SPICE1: variants seen among roughly 807,000 people sequenced by gnomAD.
The protein encoded by SPICE1 is spindle and centriole associated protein 1, also known as spindle and centriole-associated protein 1.
Under a neutral mutation model 102.7 loss-of-function variants are expected in SPICE1, and 75 were observed. The ratio of observed to expected loss-of-function variants is 0.73; its 90% CI spans 0.61 to 0.88. The LOEUF is 0.88. Among genes scored for constraint, SPICE1 ranks in the 40% least tolerant of loss-of-function variants. The probability of loss-of-function intolerance (pLI) is 0.00; values close to 1 mark genes in which losing one functional copy is unlikely to be tolerated. For missense variants in SPICE1, 979 were observed against 1,020.1 expected (o/e 0.96, Z 0.55); for synonymous variants, 308 against 350.3 (o/e 0.88, Z 1.35).
chr3:113,476,231 T>C (rs7631189), intron 7 of SPICE1, among the ~76,000 whole-genome samples: 44,135 of 147,694 alleles, frequency 0.3, 9,112 homozygotes, highest in African/African-American at 0.58. Flanking sequence ...TTACAAGGGA[T>C]GTGAAGGACC....
At position 113,503,239 on chromosome 3, in the gene SPICE1, G is replaced by T. The variant is rs780981002; in HGVS notation, c.100-12C>A. The stretch of plus-strand genomic sequence containing the variant: ...TCAGTCACGGTATTCTGTAAAAAAA[G>T]GTGGCCTTTCTTTAAAAAAAAAAAA... On this transcript the variant is annotated splice_polypyrimidine_tract_variant and intron_variant, in intron 2 of 17. Transcript: ENST00000295872. 6.4e-7 allele frequency: 1 copy of T among 1,556,752 alleles called. No individual in the cohort carries two copies. The highest frequency in any genetic ancestry group is 2.3e-5 in the East Asian group (1 of 42,762).
At chr3:113,476,250 G>A (rs992129375) in intron 7 of SPICE1, among the ~76,000 whole-genome samples, 10 of 150,810 alleles carry the variant, frequency 6.6e-5, no homozygotes, top group African/African-American at 2.5e-4. Flanking sequence ...CCTCTTCAAG[G>A]AGAACTACAA....
intron 17 of SPICE1, among the ~76,000 whole-genome samples, chr3:113,445,916 T>C (rs1421864238): frequency 1.3e-5 from 2 of 152,194 alleles, no homozygotes; most frequent in African/African-American, 4.8e-5. Flanking sequence ...CAGACACTTA[T>C]TGGCTCAAGT....
chr3:113,448,230 A>G (rs974080596), intron 15 of SPICE1, 90 bp from the exon 16 acceptor site: 117 of 1,170,268 alleles, frequency 1.0e-4, no homozygotes, highest in Non-Finnish European at 1.3e-4. Flanking sequence ...CTGCACATTA[A>G]AAATTTGGTG....
intron 11 of SPICE1, among the ~76,000 whole-genome samples, chr3:113,463,425 CAGG>C (rs1935980319): frequency 6.6e-6 from 1 of 152,132 alleles, no homozygotes. Flanking sequence ...CACATCTTCC[CAGG>C]AGAATTAAAC....
chr3:113,468,161 C>A lies in SPICE1; in HGVS notation c.1133G>T (p.Arg378Leu), dbSNP rs778625852. ...TACCTCTTTAAGGTACCGAACCAGG[C>A]GACAGAGGGAGCTCACCAGCGACAA... ...FTLSLVSSLC[R>L]LVRYLKESEI... is the part of the protein sequence containing the mutation. The change falls in exon 10 of 18, where the codon CGC (arginine) becomes CTC (leucine). Residue 378 changes from arginine (R) to leucine (L), a missense_variant. Arg to Leu is a moderately radical substitution (Grantham distance 102). Coordinates refer to ENST00000295872, the MANE Select transcript of SPICE1 (RefSeq NM_144718.4). 1.2e-6 allele frequency: 2 copies of A among 1,614,058 alleles called. No homozygotes were observed. Among genetic ancestry groups the A allele is most frequent in the African/African-American group, 2.7e-5 (2 of 74,926 alleles).
intron 1 of SPICE1, among the ~76,000 whole-genome samples, chr3:113,509,841 A>G (rs9846539): frequency 0.26 from 39,764 of 151,974 alleles, 5,740 homozygotes; most frequent in African/African-American, 0.39. Flanking sequence ...ATGATAGTGA[A>G]TTCTCATGAG....
At chr3:113,457,084 A>C in intron 13 of SPICE1, 52 bp downstream of exon 13, 1 of 1,537,192 alleles carries the variant, frequency 6.5e-7, no homozygotes. Flanking sequence ...AATACATTGC[A>C]CAAATGAAAC....
chr3:113,514,928 G>T lies in SPICE1; in HGVS notation c.-32C>A. Reference sequence around the variant, plus strand: ...TCTCAAAACACAGAGCCGCGGCTGCGCTTCCTGAAGTAAGGATTCCCCAAC... The same window carrying T: ...TCTCAAAACACAGAGCCGCGGCTGCTCTTCCTGAAGTAAGGATTCCCCAAC... On this transcript the variant is annotated 5_prime_UTR_variant, in exon 1 of 18. Transcript: ENST00000295872. 1 of 1,107,478 alleles carries T rather than the reference G, an allele frequency of 9.0e-7. No homozygotes were observed. The highest frequency in any genetic ancestry group is 1.1e-6 in the Non-Finnish European group (1 of 875,118). 68.6% of individuals were successfully genotyped at this position (1,107,478 alleles called of 1,614,324 possible). A position where few individuals can be genotyped will look rare whatever the true frequency, so the allele number is the denominator to read the frequency against.
At chr3:113,495,751 A>C (rs1440001463) in intron 4 of SPICE1, among the ~76,000 whole-genome samples, 1 of 152,264 alleles carries the variant, frequency 6.6e-6, no homozygotes, top group Admixed American at 6.5e-5. Flanking sequence ...TGAATGAATG[A>C]GTATAATCTT....
intron 4 of SPICE1, among the ~76,000 whole-genome samples, chr3:113,495,201 GCACCAC>G (rs1389091292): frequency 6.6e-6 from 1 of 152,116 alleles, no homozygotes; most frequent in Non-Finnish European, 1.5e-5. Context: ...AATTCTCTCG[GCACCAC>G]CACCAGATGG....
At chr3:113,460,537 T>C in intron 12 of SPICE1, 80 bp downstream of exon 12, 1 of 1,509,504 alleles carries the variant, frequency 6.6e-7, no homozygotes, top group Non-Finnish European at 8.8e-7. Context: ...CTATATAAGT[T>C]TAGAGATTTA....
intron 4 of SPICE1, chr3:113,498,897 A>G (rs2107500473): frequency 1.3e-5 from 2 of 152,510 alleles, no homozygotes; most frequent in South Asian, 4.1e-4. Context: ...CGTCTGGCAA[A>G]AGGTTAAGCC....
intron 1 of SPICE1, among the ~76,000 whole-genome samples, chr3:113,508,240 C>A (rs531459569): frequency 6.6e-6 from 1 of 152,052 alleles, no homozygotes; most frequent in South Asian, 2.1e-4. Flanking sequence ...TTAGAAATGA[C>A]ACAAAAAGCA....
At position 113,453,687 on chromosome 3, in the gene SPICE1, G is replaced by T. The variant is rs750015038; in HGVS notation, c.1921C>A (p.Pro641Thr). 6.2e-7 allele frequency: 1 copy of T among 1,614,092 alleles called. No individual in the cohort carries two copies. The highest frequency in any genetic ancestry group is 1.7e-5 in the Admixed American group (1 of 60,018). The stretch of plus-strand genomic sequence containing the variant: ...ACTGGGAGCTCTTCTGAGAATGTGG[G>T]GCTTCTTGACTGTTGAGTGTTGGAA... ...SHSNTQQSRSPTFSEELPVLG... is the reference protein window; with the variant it reads ...SHSNTQQSRSTTFSEELPVLG... Residue 641 changes from proline (P) to threonine (T), a missense_variant, in exon 14 of 18, where the codon CCC becomes ACC. Transcript: ENST00000295872.
At chr3:113,491,259 T>C (rs1576642938) in intron 6 of SPICE1, among the ~76,000 whole-genome samples, 1 of 152,102 alleles carries the variant, frequency 6.6e-6, no homozygotes, top group African/African-American at 2.4e-5. Context: ...CCTATATGGA[T>C]GAAGAAACTA....
chr3:113,446,786 T>C (rs1935525508), intron 16 of SPICE1, 110 bp from the exon 17 acceptor site: 6 of 867,616 alleles, frequency 6.9e-6, no homozygotes, highest in African/African-American at 6.7e-5. Flanking sequence ...TGAAAACATA[T>C]GGCTAACTTA....
intron 12 of SPICE1, among the ~76,000 whole-genome samples, chr3:113,458,511 G>C (rs529315678): frequency 6.6e-6 from 1 of 152,214 alleles, no homozygotes; most frequent in African/African-American, 2.4e-5. Flanking sequence ...CGCTCACTCA[G>C]TGCTCAATGT....
intron 7 of SPICE1, among the ~76,000 whole-genome samples, chr3:113,484,570 A>T (rs1936598565): frequency 6.6e-6 from 1 of 152,044 alleles, no homozygotes; most frequent in African/African-American, 2.4e-5. Context: ...AGATTCTGGT[A>T]TGTTGTGTCT....
Sources: allele counts gnomAD v4.1 joint callset (sites outside exome capture counted in the v4.1 genomes callset), GRCh38; gene constraint gnomAD v4.1.1; transcripts MANE v1.5; gene names NCBI Gene and HGNC (gene_info 2026-07-23, HGNC 2026-07-21).